FAM83A: variants seen among roughly 807,000 people sequenced by gnomAD.
FAM83A encodes the protein scaffolding CK1 anchoring protein A.
Under a neutral mutation model 24.4 loss-of-function variants are expected in FAM83A, and 21 were observed. The observed-to-expected ratio is 0.86, with a 90% CI of 0.61 to 1.24. The LOEUF is 1.24. FAM83A is among the 50% of genes most tolerant of loss of function. The pLI, the probability that FAM83A is intolerant of heterozygous loss-of-function variation, is 0.00. For missense variants in FAM83A, 617 were observed against 579.8 expected (o/e 1.06, Z -0.66); for synonymous variants, 270 against 252.4 (o/e 1.07, Z -0.66).
intron 2 of FAM83A, among the ~76,000 whole-genome samples, chr8:123,193,248 C>T (rs1824040623): frequency 6.6e-6 from 1 of 152,204 alleles, no homozygotes; most frequent in Non-Finnish European, 1.5e-5. Flanking sequence ...ACAAAACCAC[C>T]TCCTCTGGCT....
Position 123,209,831 on chromosome 8 carries a change from G to A in FAM83A, c.*2143G>A, listed in dbSNP as rs1458895847. 9 of 434,894 alleles carry A rather than the reference G, an allele frequency of 2.1e-5. No individual in the cohort carries two copies. Among genetic ancestry groups the A allele is most frequent in the African/African-American group, 5.9e-5 (3 of 51,174 alleles). The allele number at this position is 434,894 out of a possible 1,614,324, so 26.9% of individuals were successfully genotyped here. A position where few individuals can be genotyped will look rare whatever the true frequency, so the allele number is the denominator to read the frequency against. ...CCTGGGCACCTGTAACATGTGATGC[G>A]CTGCCTGCTGGGAGGTTAGGTCGGG... is the stretch of plus-strand genomic sequence containing the variant. On this transcript the variant is annotated 3_prime_UTR_variant, in exon 4 of 4. Transcript: ENST00000690554. This position sits in a 1 kb window ranked among gnomAD's most constrained non-coding sequence, Gnocchi z 4.7.
chr8:123,190,908 G>C (rs559142902), intron 1 of FAM83A, among the ~76,000 whole-genome samples: 1 of 152,158 alleles, frequency 6.6e-6, no homozygotes, highest in Non-Finnish European at 1.5e-5. Flanking sequence ...CTCGTAGAAA[G>C]AACACCTCCT....
exon 4 of FAM83A, chr8:123,207,512 G>A (rs779897211): frequency 1.0e-5 from 16 of 1,574,904 alleles, no homozygotes; most frequent in Non-Finnish European, 1.4e-5. Flanking sequence ...AGGCCCTTGG[G>A]GAGCCCCGAG....
chr8:123,207,392 G>C (rs1336940977), exon 4 of FAM83A: 1 of 1,611,084 alleles, frequency 6.2e-7, no homozygotes, highest in Non-Finnish European at 8.5e-7. Context: ...CCCCTTCAGC[G>C]GCCGCTCGGC....
At chr8:123,207,311 C>T in exon 4 of FAM83A, 1 of 1,611,546 alleles carries the variant, frequency 6.2e-7, no homozygotes, top group Non-Finnish European at 8.5e-7. Context: ...CCCCGTCCCG[C>T]CCGGAGCAGC....
chr8:123,188,449 G>T (rs1188644941), intron 1 of FAM83A, among the ~76,000 whole-genome samples: 1 of 151,654 alleles, frequency 6.6e-6, no homozygotes, highest in African/African-American at 2.4e-5. Context: ...ACCATTCAAT[G>T]CACCTTCTTT....
At chr8:123,192,003 C>T in intron 2 of FAM83A, 33 bp downstream of exon 2, 1 of 1,608,530 alleles carries the variant, frequency 6.2e-7, no homozygotes, top group Non-Finnish European at 8.5e-7. Flanking sequence ...TAAGGGTACT[C>T]ATATTAGCCC....
At chr8:123,207,134 C>G in intron 3 of FAM83A, 23 bp from the exon 4 acceptor site, 1 of 1,344,284 alleles carries the variant, frequency 7.4e-7, no homozygotes, top group Non-Finnish European at 9.8e-7. Context: ...TCCTCCATCA[C>G]TCTCTCTCCT....
At chr8:123,190,013 A>T (rs1441030304) in intron 1 of FAM83A, among the ~76,000 whole-genome samples, 1 of 152,142 alleles carries the variant, frequency 6.6e-6, no homozygotes, top group African/African-American at 2.4e-5. Flanking sequence ...AACAGACCAC[A>T]TCTATGACAG....
intron 1 of FAM83A, among the ~76,000 whole-genome samples, chr8:123,184,173 C>G (rs1461011351): frequency 6.6e-6 from 1 of 152,148 alleles, no homozygotes; most frequent in African/African-American, 2.4e-5. Flanking sequence ...TTCCCTCTGC[C>G]TGGCCATGCT....
At chr8:123,182,077 C>T (rs1463244396), upstream of FAM83A, 3 of 456,180 alleles carry the variant, frequency 6.6e-6, no homozygotes, top group South Asian at 1.5e-5. Context: ...AGCCTCGGCT[C>T]GTTCTCCAGA....
intron 2 of FAM83A, among the ~76,000 whole-genome samples, chr8:123,193,257 C>T (rs914939239): frequency 8.5e-5 from 13 of 152,230 alleles, no homozygotes; most frequent in African/African-American, 2.9e-4. Context: ...CCTCCTCTGG[C>T]TGCACCGAGC....
At chr8:123,202,873 A>C (rs1302000852) in intron 3 of FAM83A, 1 of 152,118 alleles carries the variant, frequency 6.6e-6, no homozygotes, top group Admixed American at 6.5e-5. Context: ...TTTTCCAAGA[A>C]TAGCCAAGAT....
At chr8:123,197,367 G>A (rs573702505) in intron 3 of FAM83A, among the ~76,000 whole-genome samples, 11 of 152,144 alleles carry the variant, frequency 7.2e-5, no homozygotes, top group African/African-American at 1.4e-4. Context: ...TCATAGCACC[G>A]AGGGTCCCCA....
At chr8:123,187,186 G>A (rs1346558864) in intron 1 of FAM83A, among the ~76,000 whole-genome samples, 1 of 152,286 alleles carries the variant, frequency 6.6e-6, no homozygotes, top group Non-Finnish European at 1.5e-5. Context: ...GGAGGTGATG[G>A]GACCAGAGCT....
At chr8:123,183,697 T>G (rs976373243) in intron 1 of FAM83A, among the ~76,000 whole-genome samples, 17 of 150,772 alleles carry the variant, frequency 1.1e-4, no homozygotes, top group Non-Finnish European at 2.5e-4. Flanking sequence ...TTTTTTTTCT[T>G]TTTTTTTGAG....
chr8:123,186,267 C>A (rs977346368), intron 1 of FAM83A, among the ~76,000 whole-genome samples: 17 of 152,186 alleles, frequency 1.1e-4, no homozygotes, highest in South Asian at 2.1e-4. Flanking sequence ...ACCTACACAC[C>A]CCCCCACGTG....
At position 123,183,321 on chromosome 8, in the gene FAM83A, CA is replaced by C. The variant is rs761843535; in HGVS notation, c.466del (p.Thr156ProfsTer10). The C allele has an allele frequency of 1.1e-5, 17 of 1,612,322 alleles. No individual in the cohort carries two copies. The highest frequency in any genetic ancestry group is 1.3e-5 in the Non-Finnish European group (15 of 1,179,342). Reference sequence around the variant, plus strand: ...TCAGAGACCTCGTCCGCCGCTGCATCACCCGGACTAGCCAGGTACCGATGGC... The same window carrying C: ...TCAGAGACCTCGTCCGCCGCTGCATCCCCGGACTAGCCAGGTACCGATGGC... On this transcript the variant is annotated frameshift_variant, in exon 1 of 4. Coordinates refer to ENST00000690554, the Ensembl canonical transcript of FAM83A. LOFTEE classifies it high-confidence loss of function.
In FAM83A at chr8:123,194,023, G is replaced by C. The variant is rs1254687687; in HGVS notation, c.649-1G>C. On this transcript the variant is annotated splice_acceptor_variant, in intron 2 of 3. Coordinates refer to ENST00000690554, the Ensembl canonical transcript of FAM83A. LOFTEE classifies it high-confidence loss of function. ...TGACACCTTGACTTTCCCTCCAACAGAACATTTCCATCCGGAGTGTGGAAG... is the reference window on the plus strand; with the variant it reads ...TGACACCTTGACTTTCCCTCCAACACAACATTTCCATCCGGAGTGTGGAAG... 1.2e-6 allele frequency: 2 copies of C among 1,614,124 alleles called. No homozygotes were observed. Among genetic ancestry groups the C allele is most frequent in the Admixed American group, 3.3e-5 (2 of 60,016 alleles).
Sources: allele counts gnomAD v4.1 joint callset (sites outside exome capture counted in the v4.1 genomes callset), GRCh38; gene constraint gnomAD v4.1.1; non-coding constraint Gnocchi (gnomAD v3.1); transcripts MANE v1.5; gene names NCBI Gene and HGNC (gene_info 2026-07-23, HGNC 2026-07-21).